NRG2: variants seen among roughly 807,000 people sequenced by gnomAD.
NRG2 encodes the protein pro-neuregulin-2, membrane-bound isoform.
Under a neutral mutation model 73.9 loss-of-function variants are expected in NRG2, and 27 were observed. The ratio of observed to expected loss-of-function variants is 0.37; its 90% CI spans 0.27 to 0.50. The LOEUF is 0.50. NRG2 is among the 20% of genes least tolerant of loss of function. The probability of loss-of-function intolerance (pLI) is 0.96; values close to 1 mark genes in which losing one functional copy is unlikely to be tolerated. For synonymous variants in NRG2, 532 were observed against 541.0 expected (o/e 0.98, Z 0.23); for missense variants, 1,126 against 1,210.1 (o/e 0.93, Z 1.03).
chr5:139,950,317 T>C (rs1580800442), intron 1 of NRG2, among the ~76,000 whole-genome samples: 1 of 152,316 alleles, frequency 6.6e-6, no homozygotes, highest in Middle Eastern at 3.4e-3. Flanking sequence ...GCCTGTCCCT[T>C]GGGAGCTGGC....
intron 1 of NRG2, among the ~76,000 whole-genome samples, chr5:139,978,986 C>T (rs1381801672): frequency 2.0e-5 from 3 of 146,526 alleles, no homozygotes; most frequent in Non-Finnish European, 4.5e-5. Flanking sequence ...ATCACAAGGA[C>T]AAAAAAACCA....
At chr5:139,878,810 G>C (rs1763348522) in intron 3 of NRG2, among the ~76,000 whole-genome samples, 1 of 152,212 alleles carries the variant, frequency 6.6e-6, no homozygotes, top group African/African-American at 2.4e-5. Flanking sequence ...GATAGGATGA[G>C]AGAAGTAGGA....
chr5:139,934,648 G>T (rs1463458892), intron 1 of NRG2, among the ~76,000 whole-genome samples: 1 of 152,174 alleles, frequency 6.6e-6, no homozygotes, highest in Non-Finnish European at 1.5e-5. Flanking sequence ...AATGCAAATG[G>T]TGTAAACATC....
intron 1 of NRG2, among the ~76,000 whole-genome samples, chr5:139,940,815 A>T (rs1363093436): frequency 1.3e-5 from 2 of 152,152 alleles, no homozygotes; most frequent in Non-Finnish European, 2.9e-5. Context: ...TCCATCATGC[A>T]TTCTTGGATT....
intron 1 of NRG2, among the ~76,000 whole-genome samples, chr5:140,016,690 G>A (rs13166235): frequency 0.044 from 6,733 of 152,314 alleles, 211 homozygotes; most frequent in Non-Finnish European, 0.069. Flanking sequence ...CTATGGCTTC[G>A]TCTGGGATTC....
In NRG2 at chr5:139,851,509, T is replaced by C. The variant is rs1761413012; in HGVS notation, c.1772+95A>G. The stretch of plus-strand genomic sequence containing the variant: ...ATATGAAAAATGGAGATGAGGCTCT[T>C]TGGAGTGTTTCTGAGGGGCCCTAAG... On this transcript the variant is annotated intron_variant, in intron 9 of 9. Coordinates refer to ENST00000361474, the MANE Select transcript of NRG2 (RefSeq NM_004883.3). This position sits in a 1 kb window ranked among gnomAD's most constrained non-coding sequence, Gnocchi z 4.2. 1.7e-6 allele frequency: 2 copies of C among 1,169,564 alleles called. No individual in the cohort carries two copies. Among genetic ancestry groups the C allele is most frequent in the South Asian group, 2.8e-5 (2 of 72,270 alleles). The allele number at this position is 1,169,564 out of a possible 1,614,324, so 72.4% of individuals were successfully genotyped here. A position where few individuals can be genotyped will look rare whatever the true frequency, so the allele number is the denominator to read the frequency against.
At chr5:139,986,444 G>C (rs969822952) in intron 1 of NRG2, among the ~76,000 whole-genome samples, 1 of 152,092 alleles carries the variant, frequency 6.6e-6, no homozygotes, top group African/African-American at 2.4e-5. Flanking sequence ...TGACACAACT[G>C]GAGACCCTTA....
At chr5:140,042,315 TCTC>T in intron 1 of NRG2, 52 bp downstream of exon 1, 1 of 1,089,140 alleles carries the variant, frequency 9.2e-7, no homozygotes, top group Non-Finnish European at 1.2e-6. Flanking sequence ...CCACCCCCAT[TCTC>T]CACCACCTCG....
intron 1 of NRG2, among the ~76,000 whole-genome samples, chr5:139,937,212 A>C (rs181726786): frequency 9.8e-5 from 15 of 152,372 alleles, no homozygotes; most frequent in Admixed American, 2.0e-4. Flanking sequence ...AATTCACTCT[A>C]TTAACAAACA....
intron 1 of NRG2, among the ~76,000 whole-genome samples, chr5:139,938,454 T>C (rs1002724316): frequency 3.3e-5 from 5 of 151,990 alleles, no homozygotes; most frequent in African/African-American, 4.8e-5. Context: ...TCTCCCGGGC[T>C]CAAACAGTCC....
At chr5:139,867,317 G>A (rs1225828515) in intron 4 of NRG2, among the ~76,000 whole-genome samples, 2 of 152,168 alleles carry the variant, frequency 1.3e-5, no homozygotes, top group South Asian at 2.1e-4. Flanking sequence ...AGGAGTGTGT[G>A]TGTGGGTATG....
chr5:139,859,183 G>A (rs186774226), intron 5 of NRG2, among the ~76,000 whole-genome samples: 1 of 152,284 alleles, frequency 6.6e-6, no homozygotes, highest in Non-Finnish European at 1.5e-5. Context: ...CCAGAGGGTG[G>A]TAGTAGCAGG....
At chr5:139,888,895 G>C (rs1470447252) in intron 1 of NRG2, among the ~76,000 whole-genome samples, 1 of 152,100 alleles carries the variant, frequency 6.6e-6, no homozygotes, top group African/African-American at 2.4e-5. Context: ...AAACAAAATG[G>C]AATCAATGCC....
intron 1 of NRG2, among the ~76,000 whole-genome samples, chr5:139,922,954 G>A (rs1751782419): frequency 6.6e-6 from 1 of 152,152 alleles, no homozygotes; most frequent in South Asian, 2.1e-4. Context: ...TGAGGGGAGG[G>A]AGGAATGAAG....
intron 1 of NRG2, among the ~76,000 whole-genome samples, chr5:139,958,643 C>A (rs1754820283): frequency 6.6e-6 from 1 of 151,782 alleles, no homozygotes; most frequent in African/African-American, 2.4e-5. Context: ...AAAAAATGAC[C>A]AAATAAAAAA....
rs1287359463 is a variant in NRG2 at position 139,938,905 on chromosome 5, A to AAAG, written c.701-51395_701-51394insCTT. Among the ~76,000 whole-genome samples the AAAG allele has an allele frequency of 3.9e-3, 298 of 75,546 alleles. 14 individuals carry two copies. The highest frequency in any genetic ancestry group is 6.0e-3 in the African/African-American group (94 of 15,648). The allele number at this position is 75,546 out of a possible 152,430, so 49.6% of individuals were successfully genotyped here. On this transcript the variant is annotated intron_variant, in intron 1 of 9. Transcript: ENST00000361474. ...GAAGGAAAGAAAGAAAGAAAGAAAG[A>AAAG]AAAGAAAGAAAGAAAGAAAGAAAGA...
chr5:139,928,402 G>T (rs1752216802), intron 1 of NRG2, among the ~76,000 whole-genome samples: 1 of 152,120 alleles, frequency 6.6e-6, no homozygotes, highest in African/African-American at 2.4e-5. Context: ...GTTTTCTGAA[G>T]GTTGCTTCTC....
At chr5:139,888,133 C>G (rs1763990406) in intron 1 of NRG2, among the ~76,000 whole-genome samples, 1 of 152,168 alleles carries the variant, frequency 6.6e-6, no homozygotes, top group South Asian at 2.1e-4. Context: ...CACACACACA[C>G]ACACACCCTG....
Position 139,865,226 on chromosome 5 carries a change from C to T in NRG2, c.1189+323G>A. Reference sequence around the variant, plus strand: ...GAGAGCCAGGATAGCAAGACACAGGCATTGCAACACCCCGGCACGGGCTCC... The same window carrying T: ...GAGAGCCAGGATAGCAAGACACAGGTATTGCAACACCCCGGCACGGGCTCC... On this transcript the variant is annotated intron_variant, in intron 5 of 9. Transcript: ENST00000361474. This position sits in a 1 kb window ranked among gnomAD's most constrained non-coding sequence, Gnocchi z 5.2. 2.1e-6 allele frequency: 3 copies of T among 1,452,814 alleles called. No individual in the cohort carries two copies. Among genetic ancestry groups the T allele is most frequent in the Non-Finnish European group, 2.9e-6 (3 of 1,034,618 alleles). The allele number at this position is 1,452,814 out of a possible 1,614,324, so 90.0% of individuals were successfully genotyped here. A position where few individuals can be genotyped will look rare whatever the true frequency, so the allele number is the denominator to read the frequency against.
Sources: gnomAD v4.1 joint callset for allele counts (sites outside exome capture counted in the v4.1 genomes callset) on GRCh38, gnomAD v4.1.1 for gene constraint, Gnocchi (gnomAD v3.1) non-coding constraint, MANE v1.5 for transcripts, NCBI Gene and HGNC (gene_info 2026-07-23, HGNC 2026-07-21) for gene names.